NMNAT1: variants seen among roughly 807,000 people sequenced by gnomAD.
NMNAT1 encodes the protein nicotinamide/nicotinic acid mononucleotide adenylyltransferase 1.
In NMNAT1, 11 loss-of-function variants were observed where a neutral mutation model predicts 16.7. The ratio of observed to expected loss-of-function variants is 0.66; its 90% CI spans 0.41 to 1.09. The LOEUF (loss-of-function observed/expected upper bound fraction) is 1.09, where lower values mean the gene tolerates loss of function less well. Ranked by LOEUF, NMNAT1 falls within the 50% of genes least tolerant of loss-of-function variation. NMNAT1 has a pLI of 0.00. For synonymous variants in NMNAT1, 110 were observed against 119.8 expected (o/e 0.92, Z 0.53); for missense variants, 280 against 332.3 (o/e 0.84, Z 1.22).
chr1:9,958,680 C>T (rs1176606123), intron 1 of NMNAT1, among the ~76,000 whole-genome samples: 2 of 151,858 alleles, frequency 1.3e-5, no homozygotes, highest in Non-Finnish European at 2.9e-5. Flanking sequence ...CCTCGTGATC[C>T]GCCCACCTCT....
At position 9,975,693 on chromosome 1, in the gene NMNAT1, G is replaced by T; in HGVS notation, c.217G>T (p.Ala73Ser). The T allele has an allele frequency of 6.2e-7, 1 of 1,614,054 alleles. No homozygotes were observed. Among genetic ancestry groups the T allele is most frequent in the Non-Finnish European group, 8.5e-7 (1 of 1,179,950 alleles). ...TCACCGGGTCATCATGGCAGAACTT[G>T]CTACCAAGAATTCTAAATGGGTGGA... is the stretch of plus-strand genomic sequence containing the variant. The part of the protein sequence containing the change: ...AYHRVIMAEL[A>S]TKNSKWVEVD... The change falls in exon 3 of 5, where the codon GCT (alanine) becomes TCT (serine). Residue 73 changes from alanine (A) to serine (S), a missense_variant. Ala to Ser is a moderately conservative substitution (Grantham distance 99, BLOSUM62 1). Coordinates refer to ENST00000377205, the MANE Select transcript of NMNAT1 (RefSeq NM_022787.4).
rs538860577 is a variant in NMNAT1 at position 9,967,151 on chromosome 1, G to A, written c.-56-4867G>A. Among the ~76,000 whole-genome samples, 44 of 152,098 alleles carry A rather than the reference G, an allele frequency of 2.9e-4. No homozygotes were observed. In the South Asian group the frequency reaches 6.8e-3, roughly 24 times the overall value. On this transcript the variant is annotated intron_variant, in intron 1 of 4. Transcript: ENST00000377205. The stretch of plus-strand genomic sequence containing the variant: ...AGGCAGGAGAATTGCTTAAACCTGG[G>A]AGGCAGAGGTTGCAGTGAGCCAAGA...
At chr1:9,976,783 C>A (rs1475703822) in intron 3 of NMNAT1, among the ~76,000 whole-genome samples, 1 of 151,974 alleles carries the variant, frequency 6.6e-6, no homozygotes, top group African/African-American at 2.4e-5. Flanking sequence ...TGCCACCACG[C>A]CCCGCTAATG....
chr1:9,993,672 CTTGGG>C, the NMNAT1 span, among the ~76,000 whole-genome samples: 1 of 152,028 alleles, frequency 6.6e-6, no homozygotes, highest in Non-Finnish European at 1.5e-5. Context: ...ATGATGGGGA[CTTGGG>C]TTAAGATGGT....
At chr1:9,975,839 C>A in intron 3 of NMNAT1, 64 bp downstream of exon 3, 1 of 1,321,602 alleles carries the variant, frequency 7.6e-7, no homozygotes. Flanking sequence ...ATGTTTTTAC[C>A]ATGTTTCAAT....
chr1:9,977,807 G>A (rs1052085389), intron 3 of NMNAT1, among the ~76,000 whole-genome samples: 4 of 152,026 alleles, frequency 2.6e-5, no homozygotes, highest in African/African-American at 9.7e-5. Context: ...ACGGTGAACT[G>A]AAATTGTGCC....
At chr1:9,947,697 C>T (rs144507335) in intron 1 of NMNAT1, 15 of 152,324 alleles carry the variant, frequency 9.8e-5, no homozygotes, top group African/African-American at 2.4e-4. Flanking sequence ...TCTTTCACAG[C>T]CCACATCCCA....
chr1:9,981,689 T>G (rs1322237642), intron 4 of NMNAT1: 1 of 154,650 alleles, frequency 6.5e-6, no homozygotes, highest in East Asian at 1.9e-4. Context: ...CATTTTATAT[T>G]GCATACTTGT....
upstream of NMNAT1, chr1:9,942,950 C>G (rs1451892095): frequency 8.5e-6 from 3 of 353,244 alleles, no homozygotes; most frequent in South Asian, 2.1e-5. Context: ...CTAGCGAGGC[C>G]GAGAGGGTCT....
At chr1:9,944,031 G>A (rs1299478830) in intron 1 of NMNAT1, among the ~76,000 whole-genome samples, 1 of 152,064 alleles carries the variant, frequency 6.6e-6, no homozygotes, top group Non-Finnish European at 1.5e-5. Context: ...GAGGCAGGCG[G>A]ATCACGAGGT....
chr1:9,968,965 A>G (rs898580774), intron 1 of NMNAT1, among the ~76,000 whole-genome samples: 2 of 151,644 alleles, frequency 1.3e-5, no homozygotes, highest in African/African-American at 4.8e-5. Context: ...AAGCCAAAGA[A>G]AAAACCTGGC....
chr1:9,994,656 A>G, the NMNAT1 span, among the ~76,000 whole-genome samples: 239 of 140,182 alleles, frequency 1.7e-3, no homozygotes, highest in Non-Finnish European at 2.7e-3. Context: ...TCTGTCCCCC[A>G]GGCTGGAGTG....
Position 9,972,085 on chromosome 1 carries a change from C to T in NMNAT1, c.12C>T (p.Ser4=), listed in dbSNP as rs148490817. 2.4e-5 allele frequency: 38 copies of T among 1,597,080 alleles called. No homozygotes were observed. Among genetic ancestry groups the T allele is most frequent in the East Asian group, 2.2e-4 (10 of 44,822 alleles). Residue 4 remains serine, a synonymous_variant, in exon 2 of 5, where the codon TCC becomes TCT. Transcript: ENST00000377205. The part of the protein sequence containing the change: MEN[S]EKTEVVLLAC... ...TTCAAGTTCTTACCATGGAAAATTC[C>T]GAGAAGACTGAAGTGGTTCTCCTTG...
chr1:9,950,553 A>G (rs1423547751), intron 1 of NMNAT1: 1 of 152,314 alleles, frequency 6.6e-6, no homozygotes, highest in East Asian at 1.9e-4. Flanking sequence ...TCAGACAGGA[A>G]AAACAGGACC....
At chr1:9,977,085 T>G (rs1383495676) in intron 3 of NMNAT1, among the ~76,000 whole-genome samples, 1 of 151,916 alleles carries the variant, frequency 6.6e-6, no homozygotes, top group Non-Finnish European at 1.5e-5. Flanking sequence ...TTTTGTATTT[T>G]TAGTAGAGCT....
intron 3 of NMNAT1, among the ~76,000 whole-genome samples, chr1:9,978,123 G>A (rs756735929): frequency 5.9e-5 from 9 of 152,156 alleles, no homozygotes; most frequent in Non-Finnish European, 1.0e-4. Context: ...TTGGGAGGCC[G>A]AGGTGGGTGG....
chr1:9,944,590 A>G (rs1337885610), intron 1 of NMNAT1, among the ~76,000 whole-genome samples: 1 of 152,136 alleles, frequency 6.6e-6, no homozygotes, highest in Non-Finnish European at 1.5e-5. Flanking sequence ...ATCATAGCTC[A>G]CTGCAGCCTT....
At chr1:9,992,372 C>T in the NMNAT1 span, among the ~76,000 whole-genome samples, 8 of 152,144 alleles carry the variant, frequency 5.3e-5, no homozygotes, top group South Asian at 6.2e-4. Flanking sequence ...TGTGCCACCA[C>T]GCCCAGCCTA....
At chr1:9,970,196 TGTTATA>T (rs1641655785) in intron 1 of NMNAT1, among the ~76,000 whole-genome samples, 1 of 152,244 alleles carries the variant, frequency 6.6e-6, no homozygotes, top group African/African-American at 2.4e-5. Flanking sequence ...CAATGGGCAC[TGTTATA>T]GTTGGATAAA....
Sources: allele counts gnomAD v4.1 joint callset (sites outside exome capture counted in the v4.1 genomes callset), GRCh38; gene constraint gnomAD v4.1.1; transcripts MANE v1.5; gene names NCBI Gene and HGNC (gene_info 2026-07-23, HGNC 2026-07-21).